The following NOX4 variants were observed in gnomAD, a reference collection of about 807,000 sequenced individuals.
The protein encoded by NOX4 is NADPH oxidase 4.
NOX4 carries 69 observed loss-of-function variants against 87.6 expected under a neutral mutation model. That is an observed-to-expected ratio of 0.79 (90% confidence interval 0.65 to 0.96). The LOEUF (loss-of-function observed/expected upper bound fraction) is 0.96. Ranked by LOEUF, NOX4 falls within the 40% of genes least tolerant of loss-of-function variation. The pLI, the probability that NOX4 is intolerant of heterozygous loss-of-function variation, is 0.00. For missense variants in NOX4, 680 were observed against 681.5 expected (o/e 1.00, Z 0.02); for synonymous variants, 275 against 238.2 (o/e 1.15, Z -1.42).
At position 89,400,281 on chromosome 11, in the gene NOX4, C is replaced by T. The variant is rs317139; in HGVS notation, c.945G>A (p.Met315Ile). ...SNKPVTIISV[M>I]SHPSDVMEIR... Reference sequence around the variant, plus strand: ...TTTCCATGACATCTGAGGGATGACTCATGACCGAAATGATGGTGACTGGCT... The same window carrying T: ...TTTCCATGACATCTGAGGGATGACTTATGACCGAAATGATGGTGACTGGCT... The change falls in exon 10 of 18, where the codon ATG becomes ATA. Residue 315 changes from methionine to isoleucine, a missense_variant. By Grantham distance (10) the Met-to-Ile change is conservative (BLOSUM62 1). Transcript: ENST00000263317. The T allele has an allele frequency of 0.99, 1,599,066 of 1,612,998 alleles. 792,647 individuals are homozygous for T. The highest frequency in any genetic ancestry group is 1 in the East Asian group (44,790 of 44,792).
At chr11:89,435,273 G>A (rs1351084872) in intron 6 of NOX4, among the ~76,000 whole-genome samples, 1 of 151,960 alleles carries the variant, frequency 6.6e-6, no homozygotes, top group African/African-American at 2.4e-5. Flanking sequence ...ATAGTTAGAG[G>A]GGCCTTTCCA....
chr11:89,460,087 T>C (rs1015513511), intron 2 of NOX4, among the ~76,000 whole-genome samples: 9 of 152,080 alleles, frequency 5.9e-5, no homozygotes, highest in African/African-American at 2.2e-4. Flanking sequence ...ATAAATGGTG[T>C]TGGGAAAACT....
Position 89,451,808 on chromosome 11 carries a change from C to T in NOX4, c.241G>A (p.Ala81Thr), listed in dbSNP as rs752753698. 5 of 1,612,690 alleles carry T rather than the reference C, an allele frequency of 3.1e-6. No homozygotes were observed. The Admixed American group carries it at 8.3e-5, about 27-fold the overall frequency. Residue 81 changes from alanine (A) to threonine (T), a missense_variant, in exon 3 of 18, where the codon GCT becomes ACT. Coordinates refer to ENST00000263317, the MANE Select transcript of NOX4 (RefSeq NM_016931.5). Reference protein sequence around the residue: ...ILLPMCRTLLAYLRGSQKVPS... With the variant: ...ILLPMCRTLLTYLRGSQKVPS... ...ACCTTCTGTGATCCTCGGAGGTAAGCCAAGAGTGTTCGGCACATGGGTAAA... is the reference window on the plus strand; with the variant it reads ...ACCTTCTGTGATCCTCGGAGGTAAGTCAAGAGTGTTCGGCACATGGGTAAA...
At chr11:89,583,263 G>A in the NOX4 span, among the ~76,000 whole-genome samples, 7 of 151,818 alleles carry the variant, frequency 4.6e-5, no homozygotes, top group East Asian at 1.9e-4. Context: ...AAAAAAAAGC[G>A]TTGTCCTCAG....
Position 89,438,687 on chromosome 11 carries a change from AAAT to A in NOX4, c.475+1998_475+2000del, listed in dbSNP as rs1249504988. Reference sequence around the variant, plus strand: ...ATATATTATATACTATATATACTATAAATAATATATAATATACTATATATTATT... The same window carrying A: ...ATATATTATATACTATATATACTATAAATATATAATATACTATATATTATT... On this transcript the variant is annotated intron_variant, in intron 6 of 17. Coordinates refer to ENST00000263317, the MANE Select transcript of NOX4 (RefSeq NM_016931.5). Among the ~76,000 whole-genome samples, 16 of 72,898 alleles carry A rather than the reference AAAT, an allele frequency of 2.2e-4. 1 individual carries two copies. Among genetic ancestry groups the A allele is most frequent in the African/African-American group, 9.3e-4 (16 of 17,242 alleles). 47.8% of individuals were successfully genotyped at this position (72,898 alleles called of 152,430 possible).
intron 13 of NOX4, among the ~76,000 whole-genome samples, chr11:89,347,825 T>G (rs1946283942): frequency 6.6e-6 from 1 of 152,210 alleles, no homozygotes; most frequent in Admixed American, 6.5e-5. Context: ...AATATGAAAT[T>G]GCCAAGTAGC....
intron 2 of NOX4, among the ~76,000 whole-genome samples, chr11:89,487,878 T>TTAGAAAAGATTAGAC (rs1169718506): frequency 6.6e-6 from 1 of 152,156 alleles, no homozygotes; most frequent in Non-Finnish European, 1.5e-5. Flanking sequence ...ACACTTATTA[T>TTAGAAAAGATTAGAC]AAGATTAGAA....
chr11:89,481,875 T>C (rs991307874), intron 2 of NOX4, among the ~76,000 whole-genome samples: 2 of 152,082 alleles, frequency 1.3e-5, no homozygotes, highest in African/African-American at 4.8e-5. Flanking sequence ...TATACAACTA[T>C]GACTAGGACT....
the NOX4 span, among the ~76,000 whole-genome samples, chr11:89,578,366 T>TGATAG: frequency 6.6e-6 from 1 of 152,120 alleles, no homozygotes; most frequent in Non-Finnish European, 1.5e-5. Context: ...TTCACCATGT[T>TGATAG]GGCCAGGATG....
intron 8 of NOX4, among the ~76,000 whole-genome samples, chr11:89,411,299 C>T (rs1942465833): frequency 2.0e-5 from 3 of 152,064 alleles, no homozygotes. Context: ...CAGCAAATTC[C>T]CAACTGTGGT....
At chr11:89,357,712 T>C (rs1938178442) in intron 12 of NOX4, among the ~76,000 whole-genome samples, 2 of 152,198 alleles carry the variant, frequency 1.3e-5, no homozygotes. Context: ...AATTAAAGTT[T>C]AGTGAATTTC....
intron 7 of NOX4, among the ~76,000 whole-genome samples, chr11:89,429,820 T>C (rs1001689120): frequency 4.6e-5 from 7 of 151,978 alleles, no homozygotes; most frequent in African/African-American, 1.5e-4. Context: ...TTCCAATCAA[T>C]AGAAAAAGAG....
At chr11:89,510,366 C>A in the NOX4 span, among the ~76,000 whole-genome samples, 1 of 152,002 alleles carries the variant, frequency 6.6e-6, no homozygotes, top group Non-Finnish European at 1.5e-5. Flanking sequence ...TGAACACACC[C>A]TAGGCAAAAA....
At chr11:89,405,521 A>G (rs1942118096) in intron 8 of NOX4, among the ~76,000 whole-genome samples, 2 of 151,966 alleles carry the variant, frequency 1.3e-5, no homozygotes, top group African/African-American at 4.8e-5. Context: ...AACACAAAAA[A>G]CAAACAGAAT....
chr11:89,559,241 C>T, the NOX4 span, among the ~76,000 whole-genome samples: 1 of 151,806 alleles, frequency 6.6e-6, no homozygotes, highest in East Asian at 1.9e-4. Flanking sequence ...TGTATAACTG[C>T]ACAATTACAA....
chr11:89,331,016 A>G (rs978819081), intron 17 of NOX4, among the ~76,000 whole-genome samples: 1 of 152,016 alleles, frequency 6.6e-6, no homozygotes, highest in African/African-American at 2.4e-5. Flanking sequence ...AGAATGTTCT[A>G]TCTAACAATA....
At chr11:89,404,079 C>T (rs1299091078) in intron 8 of NOX4, among the ~76,000 whole-genome samples, 2 of 151,926 alleles carry the variant, frequency 1.3e-5, no homozygotes, top group East Asian at 3.9e-4. Flanking sequence ...GTAGATATAG[C>T]CTATGTATGA....
intron 11 of NOX4, among the ~76,000 whole-genome samples, chr11:89,374,457 G>T (rs941447070): frequency 2.6e-5 from 4 of 152,176 alleles, no homozygotes; most frequent in Admixed American, 1.3e-4. Flanking sequence ...GGGACCATCT[G>T]CCTGCGACTA....
chr11:89,527,298 G>C, the NOX4 span, among the ~76,000 whole-genome samples: 1 of 152,190 alleles, frequency 6.6e-6, no homozygotes, highest in Non-Finnish European at 1.5e-5. Context: ...GGGAGGCAGA[G>C]CATAAAAGTT....
Sources: allele counts gnomAD v4.1 joint callset (sites outside exome capture counted in the v4.1 genomes callset), GRCh38; gene constraint gnomAD v4.1.1; transcripts MANE v1.5; gene names NCBI Gene and HGNC (gene_info 2026-07-23, HGNC 2026-07-21).